ATP8B2: variants seen among roughly 807,000 people sequenced by gnomAD.
ATP8B2 encodes the protein phospholipid-transporting ATPase ID.
Under a neutral mutation model 133.4 loss-of-function variants are expected in ATP8B2, and 70 were observed. The observed-to-expected ratio is 0.52, with a 90% confidence interval of 0.43 to 0.64. The LOEUF is 0.64. ATP8B2 is among the 30% of genes least tolerant of loss of function. The probability of loss-of-function intolerance (pLI) is 0.00; values close to 1 mark genes in which losing one functional copy is unlikely to be tolerated. For synonymous variants in ATP8B2, 517 were observed against 589.5 expected (o/e 0.88, Z 1.78); for missense variants, 1,101 against 1,535.7 (o/e 0.72, Z 4.73).
In ATP8B2 at chr1:154,343,993, T is replaced by C; in HGVS notation, c.1859T>C (p.Leu620Pro). Residue 620 changes from leucine to proline, a missense_variant, in exon 18 of 28, where the codon CTG becomes CCG. Leu to Pro is a moderately conservative substitution (Grantham distance 98). Transcript: ENST00000368489. This position sits in a 1 kb window ranked among gnomAD's most constrained non-coding sequence, Gnocchi z 5.8. ...EWAERRLQAS[L>P]AQDSREDRLA... ...GCTGAGCGACGCCTCCAGGCCAGCCTGGCCCAGGACAGCCGGGAGGACAGG... is the reference window on the plus strand; with the variant it reads ...GCTGAGCGACGCCTCCAGGCCAGCCCGGCCCAGGACAGCCGGGAGGACAGG... 4 of 1,614,024 alleles carry C rather than the reference T, an allele frequency of 2.5e-6. No individual in the cohort carries two copies. The highest frequency in any genetic ancestry group is 2.5e-6 in the Non-Finnish European group (3 of 1,179,934).
chr1:154,327,351 G>C (rs555290730), intron 1 of ATP8B2, among the ~76,000 whole-genome samples: 1 of 150,634 alleles, frequency 6.6e-6, no homozygotes, highest in African/African-American at 2.4e-5. Flanking sequence ...ATGGGAAGGC[G>C]GAAGCAGGCA....
chr1:154,346,836 A>C lies in ATP8B2; in HGVS notation c.3163+78A>C, dbSNP rs1409347090. 1.4e-6 allele frequency: 2 copies of C among 1,461,176 alleles called. No individual in the cohort carries two copies. The highest frequency in any genetic ancestry group is 2.8e-5 in the African/African-American group (2 of 70,516). 90.5% of individuals were successfully genotyped at this position (1,461,176 alleles called of 1,614,324 possible). A position where few individuals can be genotyped will look rare whatever the true frequency, so the allele number is the denominator to read the frequency against. On this transcript the variant is annotated intron_variant, in intron 26 of 27. Transcript: ENST00000368489. This position sits in a 1 kb window ranked among gnomAD's most constrained non-coding sequence, Gnocchi z 4.5. The stretch of plus-strand genomic sequence containing the variant: ...CTAACAGGACCATCAGCTAATCTGC[A>C]CATTCAACATTTCTTATGTGCCAAG...
chr1:154,343,356 T>G lies in ATP8B2; in HGVS notation c.1642+55T>G, dbSNP rs1686452011. 2.5e-6 allele frequency: 4 copies of G among 1,607,470 alleles called. No individual in the cohort carries two copies. The highest frequency in any genetic ancestry group is 3.4e-6 in the Non-Finnish European group (4 of 1,175,144). On this transcript the variant is annotated intron_variant, in intron 16 of 27. Transcript: ENST00000368489. The surrounding 1 kb of genome is among the most constrained non-coding windows in gnomAD (Gnocchi z 5.8). ...TTGGGGACAGCATTCAGGCCTGGAATGGGTGAAGTGTGCCGGGTGACTCTT... is the reference window on the plus strand; with the variant it reads ...TTGGGGACAGCATTCAGGCCTGGAAGGGGTGAAGTGTGCCGGGTGACTCTT...
chr1:154,331,829 G>A lies in ATP8B2; in HGVS notation c.439-125G>A. On this transcript the variant is annotated intron_variant, in intron 7 of 27. Coordinates refer to ENST00000368489, the MANE Select transcript of ATP8B2 (RefSeq NM_001370597.1). The surrounding 1 kb of genome is among the most constrained non-coding windows in gnomAD (Gnocchi z 4.8). Reference sequence around the variant, plus strand: ...GCTTCTGTGTCATGCTGATATGCCTGGAACTAGCCATTTATGCACCTGGAA... The same window carrying A: ...GCTTCTGTGTCATGCTGATATGCCTAGAACTAGCCATTTATGCACCTGGAA... 1.5e-6 allele frequency: 2 copies of A among 1,307,430 alleles called. No homozygotes were observed. Among genetic ancestry groups the A allele is most frequent in the Non-Finnish European group, 2.2e-6 (2 of 908,128 alleles). 81.0% of individuals were successfully genotyped at this position (1,307,430 alleles called of 1,614,324 possible).
chr1:154,325,885 G>A (rs1234227640), intron 1 of ATP8B2, among the ~76,000 whole-genome samples, 183 bp downstream of exon 1: 2 of 152,166 alleles, frequency 1.3e-5, no homozygotes, highest in African/African-American at 4.8e-5. Flanking sequence ...CTGGAGACGA[G>A]GGGCTGTCGG....
Position 154,340,792 on chromosome 1 carries a change from C to G in ATP8B2, c.1035-62C>G. ...AGGCGGAGGGCCTGCAGCGAAGGCCCATGTGGGTGGGGCACCTCCTCTTCT... is the reference window on the plus strand; with the variant it reads ...AGGCGGAGGGCCTGCAGCGAAGGCCGATGTGGGTGGGGCACCTCCTCTTCT... On this transcript the variant is annotated intron_variant, in intron 12 of 27. Transcript: ENST00000368489. This position sits in a 1 kb window ranked among gnomAD's most constrained non-coding sequence, Gnocchi z 4.0. The G allele has an allele frequency of 6.6e-7, 1 of 1,511,868 alleles. No homozygotes were observed. Among genetic ancestry groups the G allele is most frequent in the Admixed American group, 1.7e-5 (1 of 59,588 alleles). The allele number at this position is 1,511,868 out of a possible 1,614,324, so 93.7% of individuals were successfully genotyped here.
At position 154,331,235 on chromosome 1, in the gene ATP8B2, C is replaced by T. The variant is rs929010261; in HGVS notation, c.303+89C>T. On this transcript the variant is annotated intron_variant, in intron 5 of 27. Coordinates refer to ENST00000368489, the MANE Select transcript of ATP8B2 (RefSeq NM_001370597.1). This position sits in a 1 kb window ranked among gnomAD's most constrained non-coding sequence, Gnocchi z 4.8. ...ATCTCATGGCCACCTTCATCCAGCA[C>T]AATTTCTTGGTGACCTTGACATCCC... 2 of 1,283,562 alleles carry T rather than the reference C, an allele frequency of 1.6e-6. No homozygotes were observed. Among genetic ancestry groups the T allele is most frequent in the South Asian group, 2.6e-5 (2 of 76,764 alleles). 79.5% of individuals were successfully genotyped at this position (1,283,562 alleles called of 1,614,324 possible).
intron 12 of ATP8B2, chr1:154,337,852 C>G: frequency 9.8e-7 from 1 of 1,016,300 alleles, no homozygotes; most frequent in Non-Finnish European, 1.4e-6. Flanking sequence ...AGGAATGGAT[C>G]TCCTTCCTTC....
Position 154,341,791 on chromosome 1 carries a change from CAA to C in ATP8B2, c.1244-674_1244-673del, listed in dbSNP as rs5777908. 165 of 142,132 alleles carry C rather than the reference CAA, an allele frequency of 1.2e-3. 1 individual carries two copies. The highest frequency in any genetic ancestry group is 1.4e-3 in the East Asian group (7 of 4,874). 8.8% of individuals were successfully genotyped at this position (142,132 alleles called of 1,614,324 possible). A position where few individuals can be genotyped will look rare whatever the true frequency, so the allele number is the denominator to read the frequency against. ...CTGGGCGACAAGAGTGAAAGTCTAT[CAA>C]AAAAAAAAAAAAAATTAGATTCTGA... On this transcript the variant is annotated intron_variant, in intron 13 of 27. Coordinates refer to ENST00000368489, the MANE Select transcript of ATP8B2 (RefSeq NM_001370597.1).
chr1:154,331,038 T>C lies in ATP8B2; in HGVS notation c.205-10T>C. The C allele has an allele frequency of 6.2e-7, 1 of 1,612,116 alleles. No homozygotes were observed. Among genetic ancestry groups the C allele is most frequent in the East Asian group, 2.2e-5 (1 of 44,868 alleles). On this transcript the variant is annotated splice_polypyrimidine_tract_variant and intron_variant, in intron 4 of 27. Coordinates refer to ENST00000368489, the MANE Select transcript of ATP8B2 (RefSeq NM_001370597.1). The surrounding 1 kb of genome is among the most constrained non-coding windows in gnomAD (Gnocchi z 4.8). Reference sequence around the variant, plus strand: ...GGCCTCAGAGGCATACTTCTCTTTCTTTTTTTCAGTTGATCCCCCAGATCT... The same window carrying C: ...GGCCTCAGAGGCATACTTCTCTTTCCTTTTTTCAGTTGATCCCCCAGATCT...
At chr1:154,341,158 C>T (rs778582426) in intron 13 of ATP8B2, 96 bp downstream of exon 13, 8 of 1,324,830 alleles carry the variant, frequency 6.0e-6, no homozygotes, top group Non-Finnish European at 6.4e-6. Context: ...GTTTTTTCTT[C>T]CTTCCTAGTT....
chr1:154,331,249 C>A lies in ATP8B2; in HGVS notation c.303+103C>A. 1 of 1,190,160 alleles carries A rather than the reference C, an allele frequency of 8.4e-7. No individual in the cohort carries two copies. The highest frequency in any genetic ancestry group is 1.4e-5 in the South Asian group (1 of 72,684). 73.7% of individuals were successfully genotyped at this position (1,190,160 alleles called of 1,614,324 possible). Reference sequence around the variant, plus strand: ...TTCATCCAGCACAATTTCTTGGTGACCTTGACATCCCTTACCCGGTCCAGC... The same window carrying A: ...TTCATCCAGCACAATTTCTTGGTGAACTTGACATCCCTTACCCGGTCCAGC... On this transcript the variant is annotated intron_variant, in intron 5 of 27. Coordinates refer to ENST00000368489, the MANE Select transcript of ATP8B2 (RefSeq NM_001370597.1). The surrounding 1 kb of genome is among the most constrained non-coding windows in gnomAD (Gnocchi z 4.8).
rs373547415 is a variant in ATP8B2 at position 154,346,784 on chromosome 1, C to T, written c.3163+26C>T. The T allele has an allele frequency of 5.7e-5, 92 of 1,612,476 alleles. No homozygotes were observed. Among genetic ancestry groups the T allele is most frequent in the Non-Finnish European group, 7.2e-5 (85 of 1,178,906 alleles). Reference sequence around the variant, plus strand: ...GTAAGTCCCCGTGGCCTCCTTGAATCGGTGAGGAATCACAGCTGTTCTGGG... The same window carrying T: ...GTAAGTCCCCGTGGCCTCCTTGAATTGGTGAGGAATCACAGCTGTTCTGGG... On this transcript the variant is annotated intron_variant, in intron 26 of 27. Transcript: ENST00000368489. This position sits in a 1 kb window ranked among gnomAD's most constrained non-coding sequence, Gnocchi z 4.5.
intron 27 of ATP8B2, 23 bp downstream of exon 27, chr1:154,348,561 G>T: frequency 6.2e-7 from 1 of 1,610,394 alleles, no homozygotes; most frequent in Non-Finnish European, 8.5e-7. Flanking sequence ...GCTACCTGCT[G>T]TGGGAGGCAG....
At position 154,346,950 on chromosome 1, in the gene ATP8B2, G is replaced by T. The variant is rs1256599128; in HGVS notation, c.3163+192G>T. ...TGCAGTGGTGCGATCTCGGCTCACT[G>T]CAGCCTTCGACTCACTGCAGCCTCT... On this transcript the variant is annotated intron_variant, in intron 26 of 27. Coordinates refer to ENST00000368489, the MANE Select transcript of ATP8B2 (RefSeq NM_001370597.1). This position sits in a 1 kb window ranked among gnomAD's most constrained non-coding sequence, Gnocchi z 4.5. Among the ~76,000 whole-genome samples the T allele has an allele frequency of 3.9e-5, 6 of 152,144 alleles. No individual in the cohort carries two copies. Among genetic ancestry groups the T allele is most frequent in the African/African-American group, 1.4e-4 (6 of 41,430 alleles).
chr1:154,344,993 T>C lies in ATP8B2; in HGVS notation c.2309T>C (p.Met770Thr), dbSNP rs1417794842. 10 of 1,613,648 alleles carry C rather than the reference T, an allele frequency of 6.2e-6. No individual in the cohort carries two copies. Among genetic ancestry groups the C allele is most frequent in the South Asian group, 3.3e-5 (3 of 91,022 alleles). Residue 770 changes from methionine (M) to threonine (T), a missense_variant, in exon 22 of 28, where the codon ATG (methionine) becomes ACG (threonine). Met to Thr is a moderately conservative substitution (Grantham distance 81). Coordinates refer to ENST00000368489, the MANE Select transcript of ATP8B2 (RefSeq NM_001370597.1). This position sits in a 1 kb window ranked among gnomAD's most constrained non-coding sequence, Gnocchi z 4.1. Reference protein sequence around the residue: ...HSLAHALEADMELEFLETACA... With the variant: ...HSLAHALEADTELEFLETACA... ...CAGGCCCACGCACTGGAGGCAGACATGGAGCTGGAGTTTCTGGAGACAGCG... is the reference window on the plus strand; with the variant it reads ...CAGGCCCACGCACTGGAGGCAGACACGGAGCTGGAGTTTCTGGAGACAGCG...
chr1:154,329,936 T>C (rs751577580), intron 2 of ATP8B2, among the ~76,000 whole-genome samples: 1 of 152,170 alleles, frequency 6.6e-6, no homozygotes, highest in Non-Finnish European at 1.5e-5. Context: ...TCTTGCCACC[T>C]ACCCCACTCT....
In ATP8B2 at chr1:154,340,891, A is replaced by AACT; in HGVS notation, c.1073_1075dup (p.Asn358_Trp359insTyr). 1 of 1,614,100 alleles carries AACT rather than the reference A, an allele frequency of 6.2e-7. No individual in the cohort carries two copies. The highest frequency in any genetic ancestry group is 8.5e-7 in the Non-Finnish European group (1 of 1,180,002). ...CCGTCTGGGCCACAGCTACTTCATC[A>AACT]ACTGGGATAAGAAGATGTTCTGCAT... On this transcript the variant is annotated inframe_insertion, in exon 13 of 28. Coordinates refer to ENST00000368489, the MANE Select transcript of ATP8B2 (RefSeq NM_001370597.1). The surrounding 1 kb of genome is among the most constrained non-coding windows in gnomAD (Gnocchi z 4.0).
Position 154,328,164 on chromosome 1 carries a change from G to A in ATP8B2, c.23G>A (p.Arg8His), listed in dbSNP as rs1291502459. The A allele has an allele frequency of 1.2e-6, 2 of 1,613,828 alleles. No homozygotes were observed. Among genetic ancestry groups the A allele is most frequent in the Non-Finnish European group, 1.7e-6 (2 of 1,179,872 alleles). ...GAGATGGCAGTGTGTGCAAAAAAGC[G>A]CCCCCCAGGTAAGACAGGCAAGGAG... Reference protein sequence around the residue: MAVCAKKRPPEEERRARA... With the variant: MAVCAKKHPPEEERRARA... The change falls in exon 2 of 28, where the codon CGC (arginine) becomes CAC (histidine). Residue 8 changes from arginine to histidine, a missense_variant. Physicochemically the swap from Arg to His is conservative, Grantham distance 29. Coordinates refer to ENST00000368489, the MANE Select transcript of ATP8B2 (RefSeq NM_001370597.1). This position sits in a 1 kb window ranked among gnomAD's most constrained non-coding sequence, Gnocchi z 4.6.
Sources: gnomAD v4.1 joint callset for allele counts (sites outside exome capture counted in the v4.1 genomes callset) on GRCh38, gnomAD v4.1.1 for gene constraint, Gnocchi (gnomAD v3.1) non-coding constraint, MANE v1.5 for transcripts, NCBI Gene and HGNC (gene_info 2026-07-23, HGNC 2026-07-21) for gene names.